The following VPS26A variants were observed in gnomAD, a reference collection of about 807,000 sequenced individuals.
VPS26A encodes the protein VPS26 retromer complex component A.
In VPS26A, 22 loss-of-function variants were observed where a neutral mutation model predicts 42.4. That is an observed-to-expected ratio of 0.52 (90% confidence interval 0.37 to 0.74). The LOEUF (loss-of-function observed/expected upper bound fraction) is 0.74, where lower values mean the gene tolerates loss of function less well. Ranked by LOEUF, VPS26A falls within the 30% of genes least tolerant of loss-of-function variation. The probability of loss-of-function intolerance (pLI) is 0.00; values close to 1 mark genes in which losing one functional copy is unlikely to be tolerated. For synonymous variants in VPS26A, 110 were observed against 123.5 expected (o/e 0.89, Z 0.73); for missense variants, 276 against 379.2 (o/e 0.73, Z 2.26).
At chr10:69,132,774 A>T in intron 1 of VPS26A, 124 bp from the exon 2 acceptor site, 1 of 1,015,836 alleles carries the variant, frequency 9.8e-7, no homozygotes, top group Non-Finnish European at 1.4e-6. Flanking sequence ...TGTTTTTATC[A>T]TTTCCTTATG....
chr10:69,165,821 G>A (rs11812814), intron 6 of VPS26A, among the ~76,000 whole-genome samples: 6,342 of 127,316 alleles, frequency 0.05, 466 homozygotes, highest in African/African-American at 0.15. Flanking sequence ...TGGTGCACAC[G>A]TGTAATCTCA....
chr10:69,127,766 C>G (rs942708567), intron 1 of VPS26A, among the ~76,000 whole-genome samples: 3 of 119,732 alleles, frequency 2.5e-5, no homozygotes, highest in Admixed American at 1.0e-4. Flanking sequence ...CAAGCTCTTG[C>G]TCTGCCGCCC....
At chr10:69,137,321 G>A (rs2132195790) in intron 2 of VPS26A, among the ~76,000 whole-genome samples, 1 of 152,284 alleles carries the variant, frequency 6.6e-6, no homozygotes, top group South Asian at 2.1e-4. Context: ...AGAAGTCCAG[G>A]TGGAGGTTAG....
intron 7 of VPS26A, among the ~76,000 whole-genome samples, chr10:69,166,950 A>G (rs1841700644): frequency 6.6e-6 from 1 of 151,552 alleles, no homozygotes; most frequent in Non-Finnish European, 1.5e-5. Context: ...AATATGGTGA[A>G]ACCCCGTCTC....
At chr10:69,156,368 A>G (rs1841429271) in intron 3 of VPS26A, among the ~76,000 whole-genome samples, 1 of 152,086 alleles carries the variant, frequency 6.6e-6, no homozygotes, top group Admixed American at 6.6e-5. Flanking sequence ...ACATGATTCC[A>G]GATGAATGCT....
intron 2 of VPS26A, among the ~76,000 whole-genome samples, chr10:69,151,275 A>C (rs7084748): frequency 1.4e-5 from 1 of 70,630 alleles, no homozygotes; most frequent in Admixed American, 1.6e-4. Context: ...AAAAAAAAAA[A>C]AAAAAAAACA....
At chr10:69,159,788 A>G (rs1339981878) in intron 5 of VPS26A, among the ~76,000 whole-genome samples, 1 of 152,198 alleles carries the variant, frequency 6.6e-6, no homozygotes, top group Non-Finnish European at 1.5e-5. Context: ...TGGCTCACAG[A>G]TATCTTTCTT....
intron 2 of VPS26A, among the ~76,000 whole-genome samples, chr10:69,137,122 C>G (rs1357193019): frequency 6.6e-6 from 1 of 152,126 alleles, no homozygotes; most frequent in Non-Finnish European, 1.5e-5. Flanking sequence ...TAACTTGGTT[C>G]CTTATCTTCC....
At position 69,124,294 on chromosome 10, in the gene VPS26A, G is replaced by A. The variant is rs944024314; in HGVS notation, c.3+14G>A. ...GCGTTGACAATGGTGAGTGCGCGGC[G>A]GCCAGCGCGCTCGCCTCCCGCCCTC... On this transcript the variant is annotated intron_variant, in intron 1 of 8. Coordinates refer to ENST00000263559, the MANE Select transcript of VPS26A (RefSeq NM_004896.5). The A allele has an allele frequency of 8.0e-7, 1 of 1,255,838 alleles. No individual in the cohort carries two copies. Among genetic ancestry groups the A allele is most frequent in the Non-Finnish European group, 1.0e-6 (1 of 994,576 alleles). 77.8% of individuals were successfully genotyped at this position (1,255,838 alleles called of 1,614,324 possible).
chr10:69,153,712 T>C (rs895866238), intron 2 of VPS26A, among the ~76,000 whole-genome samples: 1 of 152,104 alleles, frequency 6.6e-6, no homozygotes, highest in Non-Finnish European at 1.5e-5. Flanking sequence ...TAAAAAGTTA[T>C]AAATTTGGCT....
intron 2 of VPS26A, chr10:69,133,514 T>G: frequency 2.4e-6 from 3 of 1,269,076 alleles, no homozygotes; most frequent in Non-Finnish European, 3.1e-6. Flanking sequence ...CTATTGTGTC[T>G]GTTGATCTTA....
intron 2 of VPS26A, among the ~76,000 whole-genome samples, chr10:69,154,094 A>C (rs985178938): frequency 6.6e-6 from 1 of 152,216 alleles, no homozygotes; most frequent in Non-Finnish European, 1.5e-5. Context: ...CCTGACTCCC[A>C]TGCCAAGCAA....
At chr10:69,145,975 G>A (rs1227200320) in intron 2 of VPS26A, among the ~76,000 whole-genome samples, 5 of 152,018 alleles carry the variant, frequency 3.3e-5, no homozygotes, top group Admixed American at 3.3e-4. Context: ...CATATAAATG[G>A]CATATACTGT....
chr10:69,145,014 A>G (rs1841123937), intron 2 of VPS26A, among the ~76,000 whole-genome samples: 1 of 151,598 alleles, frequency 6.6e-6, no homozygotes, highest in Non-Finnish European at 1.5e-5. Flanking sequence ...TTCCTCCTAT[A>G]AATGTTATTT....
At chr10:69,137,840 T>G (rs1840949994) in intron 2 of VPS26A, among the ~76,000 whole-genome samples, 1 of 151,574 alleles carries the variant, frequency 6.6e-6, no homozygotes, top group African/African-American at 2.4e-5. Context: ...CCTAGGATTT[T>G]TCTTTTTTTA....
chr10:69,162,527 GTA>G lies in VPS26A; in HGVS notation c.658+17_658+18del. 1 of 1,442,140 alleles carries G rather than the reference GTA, an allele frequency of 6.9e-7. No homozygotes were observed. The highest frequency in any genetic ancestry group is 9.5e-7 in the Non-Finnish European group (1 of 1,054,878). The allele number at this position is 1,442,140 out of a possible 1,614,324, so 89.3% of individuals were successfully genotyped here. A position where few individuals can be genotyped will look rare whatever the true frequency, so the allele number is the denominator to read the frequency against. The stretch of plus-strand genomic sequence containing the variant: ...CACAGGAATTGGTAAGTTGAAAAGA[GTA>G]TGTAAATTAAAATTCTTTGTTTTAG... On this transcript the variant is annotated intron_variant, in intron 6 of 8. Coordinates refer to ENST00000263559, the MANE Select transcript of VPS26A (RefSeq NM_004896.5).
chr10:69,165,704 G>C (rs1335399409), intron 6 of VPS26A, among the ~76,000 whole-genome samples: 2 of 152,116 alleles, frequency 1.3e-5, no homozygotes, highest in Admixed American at 6.5e-5. Context: ...CAACTACTCT[G>C]GAGGCTTAGG....
intron 6 of VPS26A, 119 bp from the exon 7 acceptor site, chr10:69,165,923 G>T: frequency 1.0e-6 from 1 of 953,634 alleles, no homozygotes; most frequent in African/African-American, 1.7e-5. Context: ...TCTAGCTTGG[G>T]TGATGGAGCG....
intron 1 of VPS26A, among the ~76,000 whole-genome samples, chr10:69,127,081 C>G (rs1373510749): frequency 6.7e-6 from 1 of 148,370 alleles, no homozygotes; most frequent in Admixed American, 6.7e-5. Flanking sequence ...AATGCGCCAC[C>G]ACACCCGGCC....
Sources: gnomAD v4.1 joint callset for allele counts (sites outside exome capture counted in the v4.1 genomes callset) on GRCh38, gnomAD v4.1.1 for gene constraint, MANE v1.5 for transcripts, NCBI Gene and HGNC (gene_info 2026-07-23, HGNC 2026-07-21) for gene names.